Variants in ITIH6 observed in about 807,000 individuals in gnomAD.
ITIH6 encodes inter-alpha-trypsin inhibitor heavy chain family member 6, also known as inter-alpha-trypsin inhibitor heavy chain H6.
Under a neutral mutation model 58.2 loss-of-function variants are expected in ITIH6, and 60 were observed. That is an observed-to-expected ratio of 1.03 (90% CI 0.84 to 1.28). ITIH6 has a LOEUF of 1.28. Among genes scored for constraint, ITIH6 ranks in the 50% most tolerant of loss-of-function variants. ITIH6 has a pLI of 0.00. For synonymous variants in ITIH6, 493 were observed against 417.4 expected (o/e 1.18, Z -2.21); for missense variants, 1,290 against 1,021.1 (o/e 1.26, Z -3.59).
At chrX:54,788,679 T>C (rs919794558) in intron 4 of ITIH6, 30 bp from the exon 5 acceptor site, 2 of 1,152,737 alleles carry the variant, frequency 1.7e-6, no homozygotes, top group African/African-American at 1.8e-5. Flanking sequence ...CGGGGCGGGG[T>C]GGTACAGAGG....
At chrX:54,767,033 T>G (rs1928805298) in intron 6 of ITIH6, among the ~76,000 whole-genome samples, 1 of 110,741 alleles carries the variant, frequency 9.0e-6, no homozygotes, top group African/African-American at 3.3e-5. Context: ...CTCTTTTTGG[T>G]TGGTAAACTA....
chrX:54,786,853 G>T (rs190160504), intron 5 of ITIH6, among the ~76,000 whole-genome samples: 1 of 111,583 alleles, frequency 9.0e-6, no homozygotes, highest in Non-Finnish European at 1.9e-5. Context: ...CCCAACGTTG[G>T]CCAACTCAAG....
intron 2 of ITIH6, 84 bp from the exon 3 acceptor site, chrX:54,792,120 A>G: frequency 1.6e-6 from 1 of 634,399 alleles, no homozygotes; most frequent in African/African-American, 2.2e-5. Flanking sequence ...CACATGAGGT[A>G]GAAAGAGGAG....
At chrX:54,782,713 A>G (rs1163496086) in intron 5 of ITIH6, among the ~76,000 whole-genome samples, 1 of 111,896 alleles carries the variant, frequency 8.9e-6, no homozygotes, top group Admixed American at 9.5e-5. Context: ...ATCTCCCAGT[A>G]AAGAAAGGCC....
At chrX:54,789,409 C>G (rs1237787033) in intron 4 of ITIH6, among the ~76,000 whole-genome samples, 1 of 112,022 alleles carries the variant, frequency 8.9e-6, no homozygotes, top group Non-Finnish European at 1.9e-5. Context: ...CAGGGGCACA[C>G]TGAGCCCCAT....
At chrX:54,791,188 G>C in intron 3 of ITIH6, 104 bp from the exon 4 acceptor site, 1 of 812,159 alleles carries the variant, frequency 1.2e-6, no homozygotes, top group South Asian at 2.7e-5. Flanking sequence ...GGTCCCAGCC[G>C]ACCTGACTAG....
In ITIH6 at chrX:54,798,193, G is replaced by A. The variant is rs769525826; in HGVS notation, c.18C>T (p.Tyr6=). 1 of 1,177,689 alleles carries A rather than the reference G, an allele frequency of 8.5e-7. No homozygotes were observed. Among genetic ancestry groups the A allele is most frequent in the Non-Finnish European group, 1.1e-6 (1 of 875,258 alleles). MSGWR[Y]LICVSFLLTI... ...TCAGCAAAAAGCTGACACAGATGAG[G>A]TACCTCCACCCAGACATGATGCCAC... The change falls in exon 1 of 13, where the codon TAC becomes TAT. Residue 6 remains tyrosine (Y), a synonymous_variant. Coordinates refer to ENST00000218436, the MANE Select transcript of ITIH6 (RefSeq NM_198510.3).
In ITIH6 at chrX:54,759,763, G is replaced by A. The variant is rs1207245659; in HGVS notation, c.1068C>T (p.Ala356=). The A allele has an allele frequency of 5.8e-6, 7 of 1,206,057 alleles. No homozygotes were observed. Among genetic ancestry groups the A allele is most frequent in the Middle Eastern group, 2.3e-4 (1 of 4,321 alleles). Residue 356 remains alanine, a synonymous_variant, in exon 7 of 13, where the codon GCC becomes GCT. Coordinates refer to ENST00000218436, the MANE Select transcript of ITIH6 (RefSeq NM_198510.3). ...GGTAGATCTAACACTTACAGCCATC[G>A]GCTTCCATGCAATGCAGGTAGTCCT... ...SAKDYLHCME[A]DGWTDVNSAL...
intron 5 of ITIH6, among the ~76,000 whole-genome samples, chrX:54,777,076 C>T (rs1273919010): frequency 8.9e-6 from 1 of 111,881 alleles, no homozygotes; most frequent in Non-Finnish European, 1.9e-5. Context: ...AGCCTACTGC[C>T]CTGAAAGGTG....
intron 5 of ITIH6, among the ~76,000 whole-genome samples, chrX:54,774,587 A>G (rs947314016): frequency 8.8e-6 from 1 of 113,079 alleles, no homozygotes; most frequent in Non-Finnish European, 1.9e-5. Flanking sequence ...ACCTCCCTGT[A>G]TAGAGTGAGC....
chrX:54,761,288 CT>C (rs1324094748), intron 6 of ITIH6, among the ~76,000 whole-genome samples: 1 of 111,269 alleles, frequency 9.0e-6, no homozygotes, highest in Non-Finnish European at 1.9e-5. Context: ...TGGGGTTGTT[CT>C]TTTTTTCTTG....
chrX:54,760,656 C>T (rs1473111965), intron 6 of ITIH6, among the ~76,000 whole-genome samples: 1 of 110,996 alleles, frequency 9.0e-6, no homozygotes, highest in Non-Finnish European at 1.9e-5. Context: ...TCTCATTGTT[C>T]AATTCCCACC....
Position 54,750,871 on chromosome X carries a change from T to A in ITIH6, c.3730+132A>T. On this transcript the variant is annotated intron_variant, in intron 12 of 12. Transcript: ENST00000218436. ...TATCTGGGTCTGTCCTCTCCCAAGA[T>A]GAGGAGCTCCCCAAGGGAAGAGTCT... 3 of 677,432 alleles carry A rather than the reference T, an allele frequency of 4.4e-6. No homozygotes were observed. The East Asian group carries it at 1.1e-4, about 24-fold the overall frequency. The allele number at this position is 677,432 out of a possible 1,213,427, so 55.8% of individuals were successfully genotyped here.
intron 6 of ITIH6, among the ~76,000 whole-genome samples, chrX:54,762,607 G>A (rs1928672722): frequency 1.8e-5 from 2 of 111,744 alleles, no homozygotes; most frequent in Non-Finnish European, 3.8e-5. Context: ...TGTTCTTTCA[G>A]TTGCTCCTTC....
intron 5 of ITIH6, among the ~76,000 whole-genome samples, chrX:54,775,655 G>A (rs1332549949): frequency 9.0e-6 from 1 of 111,454 alleles, no homozygotes; most frequent in East Asian, 2.8e-4. Flanking sequence ...ACTAGCTCTT[G>A]TCCCCAGTCC....
Position 54,758,884 on chromosome X carries a change from TC to T in ITIH6, c.1189del (p.Asp397MetfsTer8). The T allele has an allele frequency of 8.3e-7, 1 of 1,210,897 alleles. No homozygotes were observed. Among genetic ancestry groups the T allele is most frequent in the Non-Finnish European group, 1.1e-6 (1 of 895,139 alleles). On this transcript the variant is annotated frameshift_variant, in exon 8 of 13. Transcript: ENST00000218436. LOFTEE classifies it high-confidence loss of function. The stretch of plus-strand genomic sequence containing the variant: ...CGTCACGCCGGCCGTGGGCTCCCCA[TC>T]CGTCAGGAAGATGATAAGAGGGATC... ...GRIPLIIFLT[D>X]GEPTAGVTTP...
intron 5 of ITIH6, among the ~76,000 whole-genome samples, chrX:54,781,156 C>A (rs1365783468): frequency 2.7e-5 from 3 of 111,660 alleles, no homozygotes; most frequent in African/African-American, 9.8e-5. Context: ...ACAATCTAGG[C>A]AATAGCATTC....
intron 11 of ITIH6, 129 bp downstream of exon 11, chrX:54,753,522 T>G (rs773568600): frequency 1.1e-5 from 5 of 469,166 alleles, no homozygotes; most frequent in Non-Finnish European, 1.9e-5. Flanking sequence ...TGGTGTGTTC[T>G]TGTGTGTTAC....
chrX:54,749,452 A>C lies in ITIH6; in HGVS notation c.*443T>G, dbSNP rs1291232252. ...AACTAGGATTTGAAGGATGAATTAT[A>C]CTCACCTACAGGAACAAAGGAAGAG... is the stretch of plus-strand genomic sequence containing the variant. On this transcript the variant is annotated 3_prime_UTR_variant, in exon 13 of 13. Transcript: ENST00000218436. The C allele has an allele frequency of 8.4e-6, 1 of 118,561 alleles. No homozygotes were observed. Among genetic ancestry groups the C allele is most frequent in the Non-Finnish European group, 1.7e-5 (1 of 57,806 alleles). 9.8% of individuals were successfully genotyped at this position (118,561 alleles called of 1,213,427 possible).
Sources: allele counts gnomAD v4.1 joint callset (sites outside exome capture counted in the v4.1 genomes callset), GRCh38; gene constraint gnomAD v4.1.1; transcripts MANE v1.5; gene names NCBI Gene and HGNC (gene_info 2026-07-23, HGNC 2026-07-21).